Variants in ABCG2 observed in about 807,000 individuals in gnomAD.
The protein encoded by ABCG2 is ATP binding cassette subfamily G member 2 (JR blood group).
A neutral mutation model predicts 73.5 loss-of-function variants in ABCG2; 80 were observed. The ratio of observed to expected loss-of-function variants is 1.09; its 90% CI spans 0.91 to 1.31. The LOEUF is 1.31. ABCG2 is among the 50% of genes most tolerant of loss of function. The pLI is 0.00. For missense variants in ABCG2, 796 were observed against 786.2 expected (o/e 1.01, Z -0.15); for synonymous variants, 269 against 282.4 (o/e 0.95, Z 0.48).
chr4:88,224,048 A>G (rs1051420766), intron 1 of ABCG2, among the ~76,000 whole-genome samples: 14 of 152,000 alleles, frequency 9.2e-5, no homozygotes, highest in African/African-American at 3.1e-4. Context: ...CTACTTTTTA[A>G]TCATTTTTTT....
chr4:88,204,307 G>A (rs748455001), intron 1 of ABCG2, among the ~76,000 whole-genome samples: 75 of 152,298 alleles, frequency 4.9e-4, no homozygotes, highest in Non-Finnish European at 9.8e-4. Context: ...TGTAGTCCCA[G>A]CTACTCGGGA....
At chr4:88,156,666 G>A (rs893762094) in intron 1 of ABCG2, among the ~76,000 whole-genome samples, 1 of 151,482 alleles carries the variant, frequency 6.6e-6, no homozygotes, top group Non-Finnish European at 1.5e-5. Flanking sequence ...TAACCATTAG[G>A]AAAAAAAACC....
At chr4:88,110,811 T>C (rs1284361141) in intron 9 of ABCG2, among the ~76,000 whole-genome samples, 1 of 135,976 alleles carries the variant, frequency 7.4e-6, no homozygotes, top group Admixed American at 7.8e-5. Flanking sequence ...CCTGATCCTT[T>C]ACAAAAAAAA....
intron 1 of ABCG2, among the ~76,000 whole-genome samples, chr4:88,165,355 G>T (rs62310615): frequency 0.012 from 1,829 of 152,336 alleles, 26 homozygotes; most frequent in South Asian, 0.049. Context: ...AATGTCAGCA[G>T]GTCTGTGTTC....
At chr4:88,103,297 G>A (rs186737465) in intron 10 of ABCG2, among the ~76,000 whole-genome samples, 1 of 152,140 alleles carries the variant, frequency 6.6e-6, no homozygotes, top group Non-Finnish European at 1.5e-5. Flanking sequence ...GTAGACAATG[G>A]AAACGTTCCT....
chr4:88,229,978 CATTATTATTATT>C (rs61485563), intron 1 of ABCG2, among the ~76,000 whole-genome samples: 37 of 143,550 alleles, frequency 2.6e-4, no homozygotes, highest in African/African-American at 9.0e-4. Flanking sequence ...TTCTGGCATG[CATTATTATTATT>C]ATTATTATTA....
At position 88,202,996 on chromosome 4, in the gene ABCG2, A is replaced by C. The variant is rs559104303; in HGVS notation, c.-20+27998T>G. On this transcript the variant is annotated intron_variant, in intron 1 of 15. Coordinates refer to the ABCG2 transcript ENST00000515655. ...TTCCACCCAAATTCTTTACACTAAT[A>C]GGGTAGGTTTCCATTTAAATAGATG... Among the ~76,000 whole-genome samples, 30 of 152,282 alleles carry C rather than the reference A, an allele frequency of 2.0e-4. No homozygotes were observed. The South Asian group carries it at 6.0e-3, about 31-fold the overall frequency.
intron 2 of ABCG2, 77 bp from the exon 3 acceptor site, chr4:88,132,712 T>C (rs1724984642): frequency 5.5e-6 from 8 of 1,450,134 alleles, no homozygotes; most frequent in Non-Finnish European, 7.7e-6. Flanking sequence ...GCACTGAATA[T>C]ACTCAATGAA....
At chr4:88,219,473 T>C (rs1250768345) in intron 1 of ABCG2, among the ~76,000 whole-genome samples, 1 of 151,962 alleles carries the variant, frequency 6.6e-6, no homozygotes, top group African/African-American at 2.4e-5. Flanking sequence ...AGCAGAAAAG[T>C]GAAGAATAAG....
intron 1 of ABCG2, among the ~76,000 whole-genome samples, chr4:88,191,353 A>G (rs1728686314): frequency 6.6e-6 from 1 of 151,908 alleles, no homozygotes; most frequent in African/African-American, 2.4e-5. Context: ...ACATGAAAAG[A>G]TGCTTGGCAT....
intron 1 of ABCG2, among the ~76,000 whole-genome samples, chr4:88,174,532 A>G (rs1727878956): frequency 6.6e-6 from 1 of 152,124 alleles, no homozygotes; most frequent in Non-Finnish European, 1.5e-5. Flanking sequence ...AGTATTACAG[A>G]CATGCGCCAC....
intron 11 of ABCG2, among the ~76,000 whole-genome samples, chr4:88,100,772 G>A (rs1403348554): frequency 1.3e-5 from 2 of 152,126 alleles, no homozygotes; most frequent in Admixed American, 6.5e-5. Flanking sequence ...GCATGGTCAC[G>A]TTCTTTGTCG....
chr4:88,119,601 A>T (rs917531994), intron 6 of ABCG2, among the ~76,000 whole-genome samples: 2 of 148,886 alleles, frequency 1.3e-5, no homozygotes, highest in Admixed American at 1.3e-4. Context: ...CTGGAATAAA[A>T]GTGACTCTTG....
rs544518654 is a variant in ABCG2, at chr4:88,198,660, T to G, written c.-20+32334A>C. Among the ~76,000 whole-genome samples, 4 of 151,722 alleles carry G rather than the reference T, an allele frequency of 2.6e-5. No individual in the cohort carries two copies. In the South Asian group the frequency reaches 8.3e-4, roughly 32 times the overall value. On this transcript the variant is annotated intron_variant, in intron 1 of 15. Transcript: ENST00000515655. ...AAAAGAAAAATAAATAAATGAAAGC[T>G]CCAATGGATAAAGTAGATGGCATGT...
At chr4:88,105,764 T>C (rs551124563) in intron 10 of ABCG2, among the ~76,000 whole-genome samples, 2 of 151,720 alleles carry the variant, frequency 1.3e-5, no homozygotes, top group Non-Finnish European at 2.9e-5. Flanking sequence ...ACCCACAGAG[T>C]GGGGAAAAAT....
intron 1 of ABCG2, among the ~76,000 whole-genome samples, chr4:88,153,309 C>T (rs538728113): frequency 8.6e-5 from 13 of 152,032 alleles, no homozygotes; most frequent in South Asian, 4.2e-4. Flanking sequence ...TTTTTGGGGG[C>T]GCAGTCCAAG....
At chr4:88,208,459 A>C (rs1379819317) in intron 1 of ABCG2, among the ~76,000 whole-genome samples, 1 of 152,176 alleles carries the variant, frequency 6.6e-6, no homozygotes, top group Non-Finnish European at 1.5e-5. Flanking sequence ...ACTCTACTAG[A>C]GACTTAGGGC....
chr4:88,169,046 CTT>C (rs55711211), intron 1 of ABCG2, among the ~76,000 whole-genome samples: 2,173 of 138,798 alleles, frequency 0.016, 14 homozygotes, highest in Middle Eastern at 0.033. Context: ...AAGTAGTTAT[CTT>C]TTTTTTTTTT....
Position 88,131,216 on chromosome 4 carries a change from T to A in ABCG2, c.379-3A>T, listed in dbSNP as rs762807841. 6.2e-7 allele frequency: 1 copy of A among 1,613,764 alleles called. No individual in the cohort carries two copies. Among genetic ancestry groups the A allele is most frequent in the South Asian group, 1.1e-5 (1 of 91,060 alleles). ...AGAGTGCCCATCACAACATCATCCT[T>A]AAGGCAAATAGCATTTTAATGAGAC... is the stretch of plus-strand genomic sequence containing the variant. On this transcript the variant is annotated splice_region_variant and splice_polypyrimidine_tract_variant and intron_variant, in intron 4 of 15. Coordinates refer to ENST00000237612, the MANE Select transcript of ABCG2 (RefSeq NM_004827.3).
Sources: allele counts gnomAD v4.1 joint callset (sites outside exome capture counted in the v4.1 genomes callset), GRCh38; gene constraint gnomAD v4.1.1; transcripts MANE v1.5; gene names NCBI Gene and HGNC (gene_info 2026-07-23, HGNC 2026-07-21).